CDIN1: variants seen among roughly 807,000 people sequenced by gnomAD.
CDIN1 encodes the protein CDAN1-interacting nuclease 1.
A neutral mutation model predicts 45.3 loss-of-function variants in CDIN1; 33 were observed. That is an observed-to-expected ratio of 0.73 (90% CI 0.55 to 0.97). CDIN1 has a LOEUF of 0.97. CDIN1 is among the 50% of genes least tolerant of loss of function. CDIN1 has a pLI of 0.00. For missense variants in CDIN1, 303 were observed against 339.4 expected, an observed-to-expected ratio of 0.89 and a Z score of 0.84; for synonymous variants, 118 against 124.4, an observed-to-expected ratio of 0.95 and a Z score of 0.34.
At chr15:36,722,612 G>C (rs1217084824) in intron 10 of CDIN1, among the ~76,000 whole-genome samples, 2 of 152,044 alleles carry the variant, frequency 1.3e-5, no homozygotes, top group East Asian at 1.9e-4. Context: ...CATTTCCTCT[G>C]CCTTTAAGGA....
chr15:36,627,970 T>C (rs1367911662), intron 1 of CDIN1, among the ~76,000 whole-genome samples: 1 of 149,600 alleles, frequency 6.7e-6, no homozygotes, highest in Non-Finnish European at 1.5e-5. Flanking sequence ...TAGTACCAGG[T>C]CAGCATGGGT....
intron 5 of CDIN1, among the ~76,000 whole-genome samples, chr15:36,681,124 A>G (rs1316429291): frequency 2.0e-4 from 30 of 152,180 alleles, no homozygotes; most frequent in Admixed American, 2.0e-3. Context: ...TATAAAGTAT[A>G]AAATCTAAAC....
At chr15:36,629,985 T>TA (rs1214008886) in intron 1 of CDIN1, among the ~76,000 whole-genome samples, 3 of 152,220 alleles carry the variant, frequency 2.0e-5, no homozygotes, top group Non-Finnish European at 4.4e-5. Context: ...ATATCTGGAT[T>TA]AAGTCTTATA....
intron 10 of CDIN1, among the ~76,000 whole-genome samples, chr15:36,794,587 T>C (rs966150913): frequency 2.0e-5 from 3 of 152,240 alleles, no homozygotes; most frequent in Non-Finnish European, 4.4e-5. Flanking sequence ...TAGCATAATT[T>C]ATATCCTTGG....
intron 1 of CDIN1, among the ~76,000 whole-genome samples, chr15:36,600,513 C>G (rs1479303311): frequency 6.6e-6 from 1 of 152,206 alleles, no homozygotes; most frequent in East Asian, 1.9e-4. Context: ...TGGAGTTTAT[C>G]TACCATGATC....
At chr15:36,618,176 A>G in intron 1 of CDIN1, 1 of 699,758 alleles carries the variant, frequency 1.4e-6, no homozygotes, top group South Asian at 1.6e-5. Flanking sequence ...TGCTACTGCT[A>G]TGAATATGGG....
intron 1 of CDIN1, chr15:36,618,875 A>G: frequency 9.5e-7 from 1 of 1,049,118 alleles, no homozygotes; most frequent in Non-Finnish European, 1.5e-6. Flanking sequence ...ATGGAGGGCA[A>G]GTACTGCCTC....
At chr15:36,707,008 A>G (rs6495867) in intron 8 of CDIN1, 24,646 of 151,942 alleles carry the variant, frequency 0.16, 2,125 homozygotes, top group East Asian at 0.25. Flanking sequence ...CCCTGGTACC[A>G]TCATTTCATC....
intron 1 of CDIN1, among the ~76,000 whole-genome samples, chr15:36,635,469 T>G (rs2039859545): frequency 6.6e-6 from 1 of 152,180 alleles, no homozygotes; most frequent in East Asian, 1.9e-4. Context: ...TTTGTATACA[T>G]GAGTCCTGCA....
intron 5 of CDIN1, among the ~76,000 whole-genome samples, chr15:36,669,572 AC>A (rs35675803): frequency 0.78 from 118,752 of 151,858 alleles, 46,875 homozygotes; most frequent in East Asian, 0.96. Flanking sequence ...ACACTAAGAA[AC>A]CCTCACTGGT....
At chr15:36,681,718 C>T (rs1050158947) in intron 5 of CDIN1, among the ~76,000 whole-genome samples, 2 of 152,090 alleles carry the variant, frequency 1.3e-5, no homozygotes, top group South Asian at 2.1e-4. Context: ...TTATAAGTAA[C>T]GGTAGATCCC....
chr15:36,620,303 A>T (rs564936437), intron 1 of CDIN1, among the ~76,000 whole-genome samples: 1 of 152,228 alleles, frequency 6.6e-6, no homozygotes, highest in South Asian at 2.1e-4. Context: ...GTGAGCCGAG[A>T]TGGCGCCACC....
chr15:36,619,469 TTCTATCTATCTATCTATCTATCTA>T (rs58603040), intron 1 of CDIN1, among the ~76,000 whole-genome samples: 1 of 147,052 alleles, frequency 6.8e-6, no homozygotes, highest in Admixed American at 6.8e-5. Context: ...GCTGGAGGAT[TTCTATCTATCTATCTATCTATCTA>T]TCTATCTATC....
chr15:36,638,325 G>A (rs934368092), intron 1 of CDIN1, among the ~76,000 whole-genome samples: 1 of 152,130 alleles, frequency 6.6e-6, no homozygotes, highest in Non-Finnish European at 1.5e-5. Context: ...TGAATTTTAC[G>A]CAGAAGATGC....
chr15:36,582,582 C>G (rs1318065533), intron 1 of CDIN1, among the ~76,000 whole-genome samples: 1 of 152,096 alleles, frequency 6.6e-6, no homozygotes. Flanking sequence ...GTGAATACAG[C>G]GCAAAAGGAA....
chr15:36,710,222 G>A (rs1466623450), intron 10 of CDIN1, among the ~76,000 whole-genome samples: 1 of 152,080 alleles, frequency 6.6e-6, no homozygotes, highest in Non-Finnish European at 1.5e-5. Flanking sequence ...TAATATTGGT[G>A]TCACTTAAAA....
chr15:36,645,109 T>G (rs1420149697), intron 2 of CDIN1, 114 bp from the exon 3 acceptor site: 19 of 771,424 alleles, frequency 2.5e-5, no homozygotes, highest in Non-Finnish European at 3.7e-5. Context: ...CAAGCTGTTA[T>G]TCAGTGTTCC....
intron 1 of CDIN1, among the ~76,000 whole-genome samples, chr15:36,604,885 T>C (rs2038288490): frequency 6.6e-6 from 1 of 152,170 alleles, no homozygotes; most frequent in South Asian, 2.1e-4. Context: ...ATATATCAGC[T>C]GCCAAAGAAT....
intron 1 of CDIN1, among the ~76,000 whole-genome samples, chr15:36,635,073 G>A (rs1363517793): frequency 3.3e-5 from 5 of 152,166 alleles, no homozygotes; most frequent in Non-Finnish European, 7.3e-5. Context: ...TGCCAAAGAT[G>A]AGAACTCTTA....
Sources: gnomAD v4.1 joint callset for allele counts (sites outside exome capture counted in the v4.1 genomes callset) on GRCh38, gnomAD v4.1.1 for gene constraint, MANE v1.5 for transcripts, NCBI Gene and HGNC (gene_info 2026-07-23, HGNC 2026-07-21) for gene names.